ERVV-2: variants seen among roughly 807,000 people sequenced by gnomAD.
The protein encoded by ERVV-2 is endogenous retrovirus group V member 2 Env polyprotein.
For synonymous variants in ERVV-2, 105 were observed against 184.6 expected (o/e 0.57, Z 3.49); for missense variants, 291 against 495.1 (o/e 0.59, Z 3.91).
Position 53,051,037 on chromosome 19 carries a change from AG to A in ERVV-2, c.*180del, listed in dbSNP as rs1168804648. On this transcript the variant is annotated 3_prime_UTR_variant, in exon 2 of 2. Coordinates refer to ENST00000601417, the MANE Select transcript of ERVV-2 (RefSeq NM_001191055.2). ...GAGCAGGCAAGAGAGCCCTTGGGAA[AG>A]GAATCTTTAGAAACGCAGCCCACTG... The A allele has an allele frequency of 1.7e-6, 1 of 588,880 alleles. No homozygotes were observed. 36.5% of individuals were successfully genotyped at this position (588,880 alleles called of 1,614,324 possible). A position where few individuals can be genotyped will look rare whatever the true frequency, so the allele number is the denominator to read the frequency against.
Position 53,051,136 on chromosome 19 carries a change from CTTTTTTTTTTT to C in ERVV-2, c.*295_*305del, listed in dbSNP as rs57887970. On this transcript the variant is annotated 3_prime_UTR_variant, in exon 2 of 2. Coordinates refer to ENST00000601417, the MANE Select transcript of ERVV-2 (RefSeq NM_001191055.2). Reference sequence around the variant, plus strand: ...TAACCCATCCTAGAACAGCCTTTTGCTTTTTTTTTTTTTTTTTTTTTTTTTTTTGAGACAAG... The same window carrying C: ...TAACCCATCCTAGAACAGCCTTTTGCTTTTTTTTTTTTTTTTTGAGACAAG... The C allele has an allele frequency of 0.38, 42,891 of 111,492 alleles. 5,853 individuals carry two copies. Among genetic ancestry groups the C allele is most frequent in the Admixed American group, 0.51 (4,860 of 9,462 alleles). 6.9% of individuals were successfully genotyped at this position (111,492 alleles called of 1,614,324 possible).
chr19:53,050,088 T>G lies in ERVV-2; in HGVS notation c.837T>G (p.Pro279=), dbSNP rs1339842853. ...CTAAGATAACCTATTCAACCCCCCC[T>G]GTGGCAAACCTCTACACTTGCATTA... ...GSPKITYSTP[P]VANLYTCINN... The change falls in exon 2 of 2, where the codon CCT becomes CCG. Residue 279 remains proline (P), a synonymous_variant. Coordinates refer to ENST00000601417, the MANE Select transcript of ERVV-2 (RefSeq NM_001191055.2). The G allele has an allele frequency of 1.4e-6, 2 of 1,471,880 alleles. No homozygotes were observed. The highest frequency in any genetic ancestry group is 9.1e-7 in the Non-Finnish European group (1 of 1,100,272). The allele number at this position is 1,471,880 out of a possible 1,614,324, so 91.2% of individuals were successfully genotyped here. A position where few individuals can be genotyped will look rare whatever the true frequency, so the allele number is the denominator to read the frequency against.
chr19:53,047,769 G>C (rs1218942873), intron 1 of ERVV-2, among the ~76,000 whole-genome samples: 1 of 152,132 alleles, frequency 6.6e-6, no homozygotes, highest in Non-Finnish European at 1.5e-5. Flanking sequence ...CTTTCAGATG[G>C]GTAATCAGAT....
At chr19:53,048,836 C>A (rs1478080210) in intron 1 of ERVV-2, 31 bp from the exon 2 acceptor site, 1 of 321,982 alleles carries the variant, frequency 3.1e-6, no homozygotes, top group Non-Finnish European at 5.7e-6. Flanking sequence ...ATGGAAAGAC[C>A]CCTTTACTGT....
At chr19:53,046,586 A>G (rs2083891969) in intron 1 of ERVV-2, among the ~76,000 whole-genome samples, 1 of 152,214 alleles carries the variant, frequency 6.6e-6, no homozygotes, top group African/African-American at 2.4e-5. Flanking sequence ...ATAATGGACT[A>G]AAAAACCAGA....
At position 53,047,041 on chromosome 19, in the gene ERVV-2, C is replaced by A. The variant is rs538583787; in HGVS notation, c.-385-1826C>A. Among the ~76,000 whole-genome samples the A allele has an allele frequency of 2.8e-4, 43 of 152,284 alleles. 1 individual carries two copies. In the South Asian group the frequency reaches 8.9e-3, roughly 32 times the overall value. ...GGGCCTGGTGGCATGGATCTGTTAT[C>A]CCAGCTATTCAGGCGGCTGAGGCAG... On this transcript the variant is annotated intron_variant, in intron 1 of 1. Transcript: ENST00000601417.
At chr19:53,045,969 T>C (rs901033126) in intron 1 of ERVV-2, among the ~76,000 whole-genome samples, 1 of 152,208 alleles carries the variant, frequency 6.6e-6, no homozygotes, top group Middle Eastern at 3.4e-3. Context: ...CTTAAAGAAA[T>C]CCCTCATTTT....
chr19:53,044,904 G>A lies in ERVV-2; in HGVS notation c.-440G>A, dbSNP rs1351600886. Reference sequence around the variant, plus strand: ...AACCAGAGGACTTCCACACCCCTCTGGGTAACATCTGGTGTTTTCACCTGG... The same window carrying A: ...AACCAGAGGACTTCCACACCCCTCTAGGTAACATCTGGTGTTTTCACCTGG... On this transcript the variant is annotated 5_prime_UTR_variant, in exon 1 of 2. It introduces an in-frame stop codon into an upstream open reading frame of the 5' UTR. Coordinates refer to ENST00000601417, the MANE Select transcript of ERVV-2 (RefSeq NM_001191055.2). 2 of 152,148 alleles carry A rather than the reference G, an allele frequency of 1.3e-5. No homozygotes were observed. The highest frequency in any genetic ancestry group is 4.8e-5 in the African/African-American group (2 of 41,420). 9.4% of individuals were successfully genotyped at this position (152,148 alleles called of 1,614,324 possible). A position where few individuals can be genotyped will look rare whatever the true frequency, so the allele number is the denominator to read the frequency against.
chr19:53,047,225 G>A (rs1301307568), intron 1 of ERVV-2, among the ~76,000 whole-genome samples: 1 of 151,940 alleles, frequency 6.6e-6, no homozygotes, highest in Non-Finnish European at 1.5e-5. Context: ...GTGGACACCA[G>A]TAATCCCAGC....
At position 53,050,449 on chromosome 19, in the gene ERVV-2, G is replaced by T. The variant is rs567708768; in HGVS notation, c.1198G>T (p.Ala400Ser). The change falls in exon 2 of 2, where the codon GCA (alanine) becomes TCA (serine). Residue 400 changes from alanine (A) to serine (S), a missense_variant. By Grantham distance (99) the Ala-to-Ser change is moderately conservative. Coordinates refer to ENST00000601417, the MANE Select transcript of ERVV-2 (RefSeq NM_001191055.2). ...CTTAGCAGAGCAGGGTGGAGTCTGT[G>T]CAGTGATCAATAAATCCTGTTGCGT... ...YLLAEQGGVC[A>S]VINKSCCVYV... The T allele has an allele frequency of 2.8e-6, 2 of 723,600 alleles. No individual in the cohort carries two copies. The highest frequency in any genetic ancestry group is 2.9e-5 in the South Asian group (2 of 67,938). The allele number at this position is 723,600 out of a possible 1,614,324, so 44.8% of individuals were successfully genotyped here.
rs1029512922 is a variant in ERVV-2, at chr19:53,049,139, C to A, written c.-113C>A. 1.7e-5 allele frequency: 17 copies of A among 1,014,638 alleles called. 1 individual carries two copies. The African/African-American group carries it at 2.6e-4, about 15-fold the overall frequency. The allele number at this position is 1,014,638 out of a possible 1,614,324, so 62.9% of individuals were successfully genotyped here. A position where few individuals can be genotyped will look rare whatever the true frequency, so the allele number is the denominator to read the frequency against. On this transcript the variant is annotated 5_prime_UTR_variant, in exon 2 of 2. Transcript: ENST00000601417. ...ACCCAACTGGCATGCCACCTGAAGTCCCGATAACAGCCTGATTTCTCACTA... is the reference window on the plus strand; with the variant it reads ...ACCCAACTGGCATGCCACCTGAAGTACCGATAACAGCCTGATTTCTCACTA...
intron 1 of ERVV-2, among the ~76,000 whole-genome samples, 192 bp from the exon 2 acceptor site, chr19:53,048,675 C>CAA (rs34725225): frequency 0.17 from 15,221 of 91,858 alleles, 1,085 homozygotes; most frequent in African/African-American, 0.21. Flanking sequence ...AATTCCATCT[C>CAA]AAAAAAAAAA....
chr19:53,050,990 G>A lies in ERVV-2; in HGVS notation c.*131G>A. 14 of 851,914 alleles carry A rather than the reference G, an allele frequency of 1.6e-5. No individual in the cohort carries two copies. In the South Asian group the frequency reaches 2.6e-4, roughly 16 times the overall value. 52.8% of individuals were successfully genotyped at this position (851,914 alleles called of 1,614,324 possible). On this transcript the variant is annotated 3_prime_UTR_variant, in exon 2 of 2. Coordinates refer to ENST00000601417, the MANE Select transcript of ERVV-2 (RefSeq NM_001191055.2). ...CCATCTCTTGAGGAGGGAAATATTA[G>A]GGTAGGCAGGTAGGCAGGCATGAGC...
intron 1 of ERVV-2, among the ~76,000 whole-genome samples, chr19:53,046,717 G>A (rs1351510492): frequency 2.0e-5 from 3 of 152,124 alleles, no homozygotes; most frequent in South Asian, 2.1e-4. Context: ...CATCTTTTCC[G>A]TTCCTGTAAT....
In ERVV-2 at chr19:53,048,910, A is replaced by C. The variant is rs985099885; in HGVS notation, c.-342A>C. 2.2e-6 allele frequency: 1 copy of C among 463,982 alleles called. No homozygotes were observed. The highest frequency in any genetic ancestry group is 3.9e-6 in the Non-Finnish European group (1 of 258,264). 28.7% of individuals were successfully genotyped at this position (463,982 alleles called of 1,614,324 possible). On this transcript the variant is annotated 5_prime_UTR_variant, in exon 2 of 2. Transcript: ENST00000601417. ...TCTCCAGTTGGATACATCAGTCTCA[A>C]GTGAAACTGTGGGAAGGTCCCGAAG...
intron 1 of ERVV-2, among the ~76,000 whole-genome samples, chr19:53,048,504 C>G (rs1364807420): frequency 6.6e-6 from 1 of 151,872 alleles, no homozygotes; most frequent in Non-Finnish European, 1.5e-5. Context: ...GTGGAGAAAC[C>G]TTGTCTACTA....
chr19:53,049,409 G>A lies in ERVV-2; in HGVS notation c.158G>A (p.Arg53Lys), dbSNP rs2083903119. The A allele has an allele frequency of 1.9e-5, 15 of 775,496 alleles. No homozygotes were observed. In the Middle Eastern group the frequency reaches 1.1e-3, roughly 55 times the overall value. The allele number at this position is 775,496 out of a possible 1,614,324, so 48.0% of individuals were successfully genotyped here. The change falls in exon 2 of 2, where the codon AGG becomes AAG. Residue 53 changes from arginine to lysine, a missense_variant. By Grantham distance (26) the Arg-to-Lys change is conservative (BLOSUM62 2). Transcript: ENST00000601417. ...TGGATCTGCCACAACTTCATCACCA[G>A]GTCCTCATCTTACCAATATATTTTG... ...NCWICHNFITRSSSYQYILVR... is the reference protein window; with the variant it reads ...NCWICHNFITKSSSYQYILVR...
chr19:53,046,186 C>T (rs541302607), intron 1 of ERVV-2, among the ~76,000 whole-genome samples: 16 of 151,970 alleles, frequency 1.1e-4, no homozygotes, highest in African/African-American at 2.2e-4. Flanking sequence ...CGCTTGAACC[C>T]GGGAGCTGGC....
rs1310033003 is a variant in ERVV-2 at position 53,050,659 on chromosome 19, C to G, written c.1408C>G (p.Leu470Val). The G allele has an allele frequency of 2.7e-6, 4 of 1,477,810 alleles. No individual in the cohort carries two copies. Among genetic ancestry groups the G allele is most frequent in the Non-Finnish European group, 9.1e-7 (1 of 1,094,236 alleles). 91.5% of individuals were successfully genotyped at this position (1,477,810 alleles called of 1,614,324 possible). Residue 470 changes from leucine to valine, a missense_variant, in exon 2 of 2, where the codon CTT (leucine) becomes GTT (valine). Leu to Val is a conservative substitution (Grantham distance 32). Transcript: ENST00000601417. ...GGGACCAGCAACAGTTATACTCTTA[C>G]TTTTCCTCTTTGGCCCTTGTTTCTT... ...LLGPATVILL[L>V]FLFGPCFFNL...
Sources: allele counts gnomAD v4.1 joint callset (sites outside exome capture counted in the v4.1 genomes callset), GRCh38; gene constraint gnomAD v4.1.1; transcripts MANE v1.5; gene names NCBI Gene and HGNC (gene_info 2026-07-23, HGNC 2026-07-21).